The following CFAP100 variants were observed in gnomAD, a reference collection of about 807,000 sequenced individuals.
CFAP100 encodes the protein cilia- and flagella-associated protein 100.
A neutral mutation model predicts 81.5 loss-of-function variants in CFAP100; 70 were observed. The ratio of observed to expected loss-of-function variants is 0.86; its 90% CI spans 0.71 to 1.05. The LOEUF (loss-of-function observed/expected upper bound fraction) is 1.05, where lower values mean the gene tolerates loss of function less well. Among genes scored for constraint, CFAP100 ranks in the 50% least tolerant of loss-of-function variants. The pLI is 0.00. For synonymous variants in CFAP100, 341 were observed against 314.8 expected, an observed-to-expected ratio of 1.08 and a Z score of -0.88; for missense variants, 811 against 776.5, an observed-to-expected ratio of 1.04 and a Z score of -0.53.
rs935896309 is a variant in CFAP100, at chr3:126,419,766, G to A, written c.861G>A (p.Glu287=). The A allele has an allele frequency of 3.1e-6, 5 of 1,614,056 alleles. No individual in the cohort carries two copies. The South Asian group carries it at 5.5e-5, about 18-fold the overall frequency. ...KKHSFLKKAK[E]VSEASKESSV... is the part of the protein sequence containing the mutation. ...ACTCGTTTCTCAAAAAGGCCAAGGA[G>A]GTCTCCGAGGCTTCCAAAGAGAGCA... Residue 287 remains glutamate, a synonymous_variant, in exon 9 of 17, where the codon GAG becomes GAA. Transcript: ENST00000352312.
rs373068258 is a variant in CFAP100 at position 126,423,479 on chromosome 3, C to T, written c.1135-14C>T. The T allele has an allele frequency of 6.6e-5, 107 of 1,613,698 alleles. No individual in the cohort carries two copies. The highest frequency in any genetic ancestry group is 8.9e-5 in the Non-Finnish European group (105 of 1,179,856). ...TGTCCCTGTCCAGTCCCTGCCAAAA[C>T]CTGTGGGTTGCAGGAACCACAGCTG... On this transcript the variant is annotated splice_polypyrimidine_tract_variant and intron_variant, in intron 12 of 16. Transcript: ENST00000352312.
At chr3:126,424,663 G>T (rs1371099410) in intron 13 of CFAP100, among the ~76,000 whole-genome samples, 2 of 152,270 alleles carry the variant, frequency 1.3e-5, no homozygotes, top group African/African-American at 4.8e-5. Context: ...ATAAAGCAAG[G>T]CCCTGCCCTC....
chr3:126,424,960 T>C (rs1025817172), intron 13 of CFAP100, among the ~76,000 whole-genome samples: 1 of 152,182 alleles, frequency 6.6e-6, no homozygotes, highest in African/African-American at 2.4e-5. Flanking sequence ...AAGTGTCCCA[T>C]GGGGGAACCA....
At chr3:126,399,122 C>T (rs571769103) in intron 2 of CFAP100, among the ~76,000 whole-genome samples, 3 of 152,306 alleles carry the variant, frequency 2.0e-5, no homozygotes, top group Admixed American at 6.5e-5. Context: ...AGGTAAAACG[C>T]GGTGCCCCAC....
At chr3:126,416,272 G>A in intron 4 of CFAP100, 44 bp from the exon 5 acceptor site, 1 of 1,466,476 alleles carries the variant, frequency 6.8e-7, no homozygotes, top group Non-Finnish European at 9.3e-7. Context: ...CCTGGACGCG[G>A]GTGGGGAGCC....
intron 3 of CFAP100, among the ~76,000 whole-genome samples, chr3:126,410,030 G>A (rs974485547): frequency 1.3e-5 from 2 of 152,094 alleles, no homozygotes; most frequent in East Asian, 1.9e-4. Flanking sequence ...ATGAAACCTC[G>A]TCTCTACTAA....
At chr3:126,420,348 T>G in intron 11 of CFAP100, 119 bp downstream of exon 11, 1 of 1,397,892 alleles carries the variant, frequency 7.2e-7, no homozygotes, top group Non-Finnish European at 9.6e-7. Context: ...TCACAGTCCC[T>G]ACTCCAAGAA....
At chr3:126,402,822 G>C (rs1434765468) in intron 2 of CFAP100, among the ~76,000 whole-genome samples, 1 of 151,790 alleles carries the variant, frequency 6.6e-6, no homozygotes, top group Non-Finnish European at 1.5e-5. Flanking sequence ...TCGGTGGTGG[G>C]GGGTGCAGTC....
Position 126,423,530 on chromosome 3 carries a change from T to C in CFAP100, c.1172T>C (p.Leu391Pro), listed in dbSNP as rs773723401. The C allele has an allele frequency of 5.6e-6, 9 of 1,614,056 alleles. No individual in the cohort carries two copies. The highest frequency in any genetic ancestry group is 2.2e-5 in the South Asian group (2 of 91,082). Residue 391 changes from leucine (L) to proline (P), a missense_variant, in exon 13 of 17, where the codon CTG (leucine) becomes CCG (proline). By Grantham distance (98) the Leu-to-Pro change is moderately conservative. Transcript: ENST00000352312. The stretch of plus-strand genomic sequence containing the variant: ...TACTTCACGGAGCCCCAGCAGCTCC[T>C]GGATGTCTTCCGAGAGCTGGAGGAG... Reference protein sequence around the residue: ...QLYFTEPQQLLDVFRELEEQN... With the variant: ...QLYFTEPQQLPDVFRELEEQN...
intron 14 of CFAP100, chr3:126,433,533 T>C: frequency 7.3e-6 from 2 of 272,112 alleles, no homozygotes; most frequent in South Asian, 5.5e-5. Flanking sequence ...GGTGAGAGAA[T>C]TGGGAGAGAA....
intron 7 of CFAP100, 36 bp from the exon 8 acceptor site, chr3:126,419,040 G>C: frequency 2.5e-6 from 2 of 801,190 alleles, no homozygotes; most frequent in Non-Finnish European, 4.1e-6. Flanking sequence ...CTGGCCCCTT[G>C]CCCCCATCCC....
chr3:126,436,126 A>C (rs1224921540), intron 16 of CFAP100, among the ~76,000 whole-genome samples, 165 bp from the exon 17 acceptor site: 1 of 151,874 alleles, frequency 6.6e-6, no homozygotes, highest in African/African-American at 2.4e-5. Flanking sequence ...GCAGACTCAC[A>C]CCCCCAGTTA....
intron 3 of CFAP100, among the ~76,000 whole-genome samples, chr3:126,412,316 C>T (rs917711108): frequency 3.3e-5 from 5 of 152,116 alleles, no homozygotes; most frequent in Non-Finnish European, 4.4e-5. Flanking sequence ...CTGGACATGC[C>T]GGGACAGTTT....
intron 6 of CFAP100, 30 bp from the exon 7 acceptor site, chr3:126,418,581 G>C (rs2107605641): frequency 6.2e-7 from 1 of 1,612,896 alleles, no homozygotes; most frequent in East Asian, 2.2e-5. Flanking sequence ...CCCGGGCCAG[G>C]CACCATGACC....
chr3:126,433,255 G>A, intron 14 of CFAP100, 51 bp downstream of exon 14: 1 of 1,603,650 alleles, frequency 6.2e-7, no homozygotes, highest in South Asian at 1.1e-5. Context: ...AGGGACCCTT[G>A]GGCACCCACT....
intron 2 of CFAP100, among the ~76,000 whole-genome samples, chr3:126,400,815 T>C (rs911483236): frequency 6.6e-6 from 1 of 152,172 alleles, no homozygotes; most frequent in Non-Finnish European, 1.5e-5. Context: ...TATTAACATA[T>C]GATCCAGCAA....
intron 11 of CFAP100, among the ~76,000 whole-genome samples, chr3:126,421,902 G>A (rs981218442): frequency 2.0e-5 from 3 of 152,234 alleles, no homozygotes; most frequent in Admixed American, 1.3e-4. Flanking sequence ...CCAGTTCTGC[G>A]TTGAGGAGCA....
In CFAP100 at chr3:126,433,110, T is replaced by G. The variant is rs746455705; in HGVS notation, c.1328T>G (p.Met443Arg). 2 of 1,614,134 alleles carry G rather than the reference T, an allele frequency of 1.2e-6. No homozygotes were observed. Among genetic ancestry groups the G allele is most frequent in the Admixed American group, 1.7e-5 (1 of 60,014 alleles). Residue 443 changes from methionine (M) to arginine (R), a missense_variant, in exon 14 of 17, where the codon ATG becomes AGG. Coordinates refer to ENST00000352312, the MANE Select transcript of CFAP100 (RefSeq NM_182628.3). ...CAGCTGAAGCAGTGGGTCACCACAA[T>G]GATGATGTCCATCACCAAGGAGGAG... ...VNQLKQWVTT[M>R]MMSITKEEDT... is the part of the protein sequence containing the mutation.
At chr3:126,398,458 G>A (rs1268284611) in intron 2 of CFAP100, among the ~76,000 whole-genome samples, 1 of 152,240 alleles carries the variant, frequency 6.6e-6, no homozygotes, top group African/African-American at 2.4e-5. Flanking sequence ...GCTTGCCCCT[G>A]CTGAAGGAGC....
Sources: gnomAD v4.1 joint callset for allele counts (sites outside exome capture counted in the v4.1 genomes callset) on GRCh38, gnomAD v4.1.1 for gene constraint, MANE v1.5 for transcripts, NCBI Gene and HGNC (gene_info 2026-07-23, HGNC 2026-07-21) for gene names.